Variants in KCNK3 observed in about 807,000 individuals in gnomAD.
KCNK3 encodes the protein potassium channel subfamily K member 3.
In KCNK3, 9 loss-of-function variants were observed where a neutral mutation model predicts 27.3. The observed-to-expected ratio is 0.33, with a 90% CI of 0.20 to 0.57. The LOEUF (loss-of-function observed/expected upper bound fraction) is 0.57, where lower values mean the gene tolerates loss of function less well. Among genes scored for constraint, KCNK3 ranks in the 20% least tolerant of loss-of-function variants. KCNK3 has a pLI of 0.87. For missense variants in KCNK3, 391 were observed against 577.7 expected, an observed-to-expected ratio of 0.68 and a Z score of 3.31; for synonymous variants, 278 against 273.8, an observed-to-expected ratio of 1.02 and a Z score of -0.15.
In KCNK3 at chr2:26,728,925, T is replaced by G. The variant is rs1327164332; in HGVS notation, c.*357T>G. On this transcript the variant is annotated 3_prime_UTR_variant, in exon 2 of 2. Transcript: ENST00000302909. ...ACCCCCACCTTCGGAGGGGACTTCA[T>G]GTTCCGTGTACGTTTGCATCTCTAT... The G allele has an allele frequency of 8.6e-6, 2 of 233,048 alleles. No individual in the cohort carries two copies. Among genetic ancestry groups the G allele is most frequent in the African/African-American group, 4.5e-5 (2 of 44,494 alleles). The allele number at this position is 233,048 out of a possible 1,614,324, so 14.4% of individuals were successfully genotyped here.
intron 1 of KCNK3, among the ~76,000 whole-genome samples, chr2:26,704,669 A>G (rs975417163): frequency 9.9e-5 from 15 of 152,198 alleles, no homozygotes; most frequent in African/African-American, 3.4e-4. Flanking sequence ...CTCCAGGATG[A>G]GGTCTAGTCC....
In KCNK3 at chr2:26,721,808, C is replaced by T. The variant is rs1663332897; in HGVS notation, c.284-5859C>T. Among the ~76,000 whole-genome samples the T allele has an allele frequency of 6.6e-6, 1 of 152,262 alleles. No homozygotes were observed. Among genetic ancestry groups the T allele is most frequent in the South Asian group, 2.1e-4 (1 of 4,834 alleles). On this transcript the variant is annotated intron_variant, in intron 1 of 1. Coordinates refer to ENST00000302909, the MANE Select transcript of KCNK3 (RefSeq NM_002246.3). This position sits in a 1 kb window ranked among gnomAD's most constrained non-coding sequence, Gnocchi z 4.3. ...TGGGCACCTCAGGCCACAGGTCCCT[C>T]ATCCACCTTCCCTCAGGACAAACAT... is the stretch of plus-strand genomic sequence containing the variant.
chr2:26,730,526 T>G lies in KCNK3; in HGVS notation c.*1958T>G, dbSNP rs1663517447. The G allele has an allele frequency of 6.6e-6, 1 of 152,450 alleles. No individual in the cohort carries two copies. The highest frequency in any genetic ancestry group is 2.4e-5 in the African/African-American group (1 of 41,464). 9.4% of individuals were successfully genotyped at this position (152,450 alleles called of 1,614,324 possible). A position where few individuals can be genotyped will look rare whatever the true frequency, so the allele number is the denominator to read the frequency against. On this transcript the variant is annotated 3_prime_UTR_variant, in exon 2 of 2. Transcript: ENST00000302909. ...CTCCTCCCGCAACACTGCCTTCCCA[T>G]GCTGTTCCCCTGCCAGCTCCTTAAC...
chr2:26,726,865 A>T (rs1437179635), intron 1 of KCNK3, among the ~76,000 whole-genome samples: 2 of 152,160 alleles, frequency 1.3e-5, no homozygotes, highest in African/African-American at 4.8e-5. Context: ...CTGCTTTGCC[A>T]AGGGTAACAC....
chr2:26,701,595 C>G (rs966566072), intron 1 of KCNK3, among the ~76,000 whole-genome samples: 1 of 152,236 alleles, frequency 6.6e-6, no homozygotes, highest in African/African-American at 2.4e-5. Context: ...TTAGTTTGGG[C>G]TGCTATCATA....
chr2:26,727,232 C>T (rs763586131), intron 1 of KCNK3, among the ~76,000 whole-genome samples: 3 of 152,182 alleles, frequency 2.0e-5, no homozygotes, highest in Non-Finnish European at 4.4e-5. Context: ...ACAAGGACCA[C>T]GCCCGCAGCC....
chr2:26,704,342 T>G (rs1325910993), intron 1 of KCNK3, among the ~76,000 whole-genome samples: 1 of 152,092 alleles, frequency 6.6e-6, no homozygotes, highest in African/African-American at 2.4e-5. Context: ...CCCAGGCCCC[T>G]GCTCTCAGAC....
chr2:26,716,685 C>T (rs1488048727), intron 1 of KCNK3, among the ~76,000 whole-genome samples: 1 of 152,170 alleles, frequency 6.6e-6, no homozygotes, highest in Non-Finnish European at 1.5e-5. Context: ...TCAAAATGTA[C>T]CCCTCTCCTC....
intron 1 of KCNK3, among the ~76,000 whole-genome samples, chr2:26,720,560 G>A (rs1663309988): frequency 6.6e-6 from 1 of 152,194 alleles, no homozygotes; most frequent in Admixed American, 6.5e-5. Context: ...GTGGGGGATG[G>A]GGGCTTTGGG....
At chr2:26,696,536 G>A (rs543346774) in intron 1 of KCNK3, among the ~76,000 whole-genome samples, 1 of 152,310 alleles carries the variant, frequency 6.6e-6, no homozygotes, top group Non-Finnish European at 1.5e-5. Flanking sequence ...TTCTTTCTTA[G>A]TCATTCACCT....
At position 26,692,919 on chromosome 2, in the gene KCNK3, C is replaced by T. The variant is rs1411865818; in HGVS notation, c.44C>T (p.Thr15Ile). The part of the protein sequence containing the change: ...NVRTLALIVC[T>I]FTYLLVGAAV... The stretch of plus-strand genomic sequence containing the variant: ...CGCACGCTGGCGCTCATCGTGTGCA[C>T]CTTCACCTACCTGCTGGTGGGCGCC... The change falls in exon 1 of 2, where the codon ACC becomes ATC. Residue 15 changes from threonine (T) to isoleucine (I), a missense_variant. Transcript: ENST00000302909. This position sits in a 1 kb window ranked among gnomAD's most constrained non-coding sequence, Gnocchi z 5.6. 6.5e-7 allele frequency: 1 copy of T among 1,531,212 alleles called. No homozygotes were observed. The highest frequency in any genetic ancestry group is 8.8e-7 in the Non-Finnish European group (1 of 1,142,532). The allele number at this position is 1,531,212 out of a possible 1,614,324, so 94.9% of individuals were successfully genotyped here.
chr2:26,730,873 G>T lies in KCNK3; in HGVS notation c.*2305G>T. The T allele has an allele frequency of 6.5e-6, 1 of 153,376 alleles. No homozygotes were observed. Among genetic ancestry groups the T allele is most frequent in the Non-Finnish European group, 1.5e-5 (1 of 68,884 alleles). 9.5% of individuals were successfully genotyped at this position (153,376 alleles called of 1,614,324 possible). A position where few individuals can be genotyped will look rare whatever the true frequency, so the allele number is the denominator to read the frequency against. On this transcript the variant is annotated 3_prime_UTR_variant, in exon 2 of 2. Coordinates refer to ENST00000302909, the MANE Select transcript of KCNK3 (RefSeq NM_002246.3). ...AAAGCTGCGGAGAGAAGGTGGGGAA[G>T]GGTGCAGAATGGCCGTGGGGCACAG...
chr2:26,714,672 G>A (rs1425992711), intron 1 of KCNK3, among the ~76,000 whole-genome samples: 3 of 151,570 alleles, frequency 2.0e-5, no homozygotes, highest in Non-Finnish European at 4.4e-5. Flanking sequence ...GATCACTTGA[G>A]GTCAGGAGTT....
intron 1 of KCNK3, among the ~76,000 whole-genome samples, chr2:26,719,984 A>G (rs968254707): frequency 8.5e-5 from 13 of 152,292 alleles, no homozygotes; most frequent in Middle Eastern, 3.4e-3. Flanking sequence ...AGTGGGGGGA[A>G]GGGCACCGTG....
rs993651089 is a variant in KCNK3 at position 26,697,240 on chromosome 2, G to A, written c.283+4082G>A. On this transcript the variant is annotated intron_variant, in intron 1 of 1. Coordinates refer to ENST00000302909, the MANE Select transcript of KCNK3 (RefSeq NM_002246.3). ...CATGCTGGGTGCAGTGGCTGACACC[G>A]GTAATCCCAGCACTTTGGGAGGCGG... 1.1e-4 allele frequency among the ~76,000 whole-genome samples: 17 copies of A among 152,222 alleles called. No individual in the cohort carries two copies. The South Asian group carries it at 1.4e-3, about 13-fold the overall frequency.
chr2:26,714,880 C>T (rs1272012552), intron 1 of KCNK3, among the ~76,000 whole-genome samples: 5 of 117,616 alleles, frequency 4.3e-5, no homozygotes, highest in Non-Finnish European at 9.8e-5. Flanking sequence ...AGTGAGACTC[C>T]ATCTCAAAAT....
chr2:26,696,633 G>A (rs1446829071), intron 1 of KCNK3, among the ~76,000 whole-genome samples: 2 of 152,190 alleles, frequency 1.3e-5, no homozygotes, highest in Non-Finnish European at 2.9e-5. Context: ...CTTTGCTGGT[G>A]CCCTAAGTTC....
chr2:26,714,336 A>T (rs1175949287), intron 1 of KCNK3, among the ~76,000 whole-genome samples: 1 of 149,774 alleles, frequency 6.7e-6, no homozygotes, highest in African/African-American at 2.5e-5. Flanking sequence ...CGACACACCC[A>T]ATCTTTCCAG....
At chr2:26,695,136 C>A (rs913494149) in intron 1 of KCNK3, among the ~76,000 whole-genome samples, 14 of 152,206 alleles carry the variant, frequency 9.2e-5, no homozygotes, top group African/African-American at 3.4e-4. Context: ...CTTATGTGAT[C>A]CCTCTCGATA....
Sources: gnomAD v4.1 joint callset for allele counts (sites outside exome capture counted in the v4.1 genomes callset) on GRCh38, gnomAD v4.1.1 for gene constraint, Gnocchi (gnomAD v3.1) non-coding constraint, MANE v1.5 for transcripts, NCBI Gene and HGNC (gene_info 2026-07-23, HGNC 2026-07-21) for gene names.